The following SYNRG variants were observed in gnomAD, a reference collection of about 807,000 sequenced individuals.
The protein encoded by SYNRG is synergin gamma.
In SYNRG, 37 loss-of-function variants were observed where a neutral mutation model predicts 130.9. The ratio of observed to expected loss-of-function variants is 0.28; its 90% confidence interval spans 0.22 to 0.37. SYNRG has a LOEUF of 0.37. Among genes scored for constraint, SYNRG ranks in the 10% least tolerant of loss-of-function variants. SYNRG has a pLI of 1.00. For missense variants in SYNRG, 1,338 were observed against 1,588.9 expected, an observed-to-expected ratio of 0.84 and a Z score of 2.68; for synonymous variants, 539 against 568.1, an observed-to-expected ratio of 0.95 and a Z score of 0.73.
intron 2 of SYNRG, among the ~76,000 whole-genome samples, chr17:37,598,711 T>TA (rs952714934): frequency 1.5e-4 from 23 of 151,660 alleles, no homozygotes; most frequent in African/African-American, 1.2e-4. Flanking sequence ...TAACAACTGT[T>TA]AAAAAAAAAT....
At chr17:37,541,093 A>G (rs2144847039) in intron 15 of SYNRG, 1 of 985,604 alleles carries the variant, frequency 1.0e-6, no homozygotes, top group South Asian at 4.7e-5. Context: ...GATCTATCAC[A>G]AGTCTTCCAT....
intron 10 of SYNRG, 101 bp from the exon 11 acceptor site, chr17:37,569,025 G>A (rs1297238437): frequency 7.7e-7 from 1 of 1,296,264 alleles, no homozygotes; most frequent in Non-Finnish European, 1.1e-6. Context: ...AAATTTCTCA[G>A]TTTAGATACA....
In SYNRG at chr17:37,553,258, C is replaced by T; in HGVS notation, c.2465G>A (p.Ser822Asn). 6.2e-7 allele frequency: 1 copy of T among 1,613,946 alleles called. No individual in the cohort carries two copies. The highest frequency in any genetic ancestry group is 8.5e-7 in the Non-Finnish European group (1 of 1,179,982). ...ATCTTCAGAGTCCTCCTTGCCAACA[C>T]TGCTGCCACCAATGGAAGGGAGATC... is the stretch of plus-strand genomic sequence containing the variant. Reference protein sequence around the residue: ...SLDLPSIGGSSVGKEDSEDAL... With the variant: ...SLDLPSIGGSNVGKEDSEDAL... The change falls in exon 14 of 22, where the codon AGT becomes AAT. Residue 822 changes from serine to asparagine, a missense_variant. Around this residue, in one of 3 missense-constraint regions of SYNRG, gnomAD observed 1,146 missense variants for 1,342.3 expected, o/e 0.85. Transcript: ENST00000612223.
At chr17:37,591,701 G>A (rs2062207315) in intron 3 of SYNRG, among the ~76,000 whole-genome samples, 1 of 152,210 alleles carries the variant, frequency 6.6e-6, no homozygotes, top group Non-Finnish European at 1.5e-5. Context: ...TTCAATGGAA[G>A]CAGAATAGCT....
intron 3 of SYNRG, among the ~76,000 whole-genome samples, chr17:37,588,807 G>A (rs1377056651): frequency 8.0e-5 from 12 of 149,208 alleles, no homozygotes; most frequent in Non-Finnish European, 1.8e-4. Context: ...CCAAATCATA[G>A]AGATTAAAAA....
intron 18 of SYNRG, 173 bp from the exon 19 acceptor site, chr17:37,536,300 C>T (rs3110626): frequency 0.21 from 160,799 of 772,456 alleles, 20,598 homozygotes; most frequent in East Asian, 0.6. Context: ...GTATAGCTTA[C>T]TGGTAAGAGC....
chr17:37,595,232 T>A (rs1364717255), intron 3 of SYNRG, among the ~76,000 whole-genome samples: 1 of 152,226 alleles, frequency 6.6e-6, no homozygotes, highest in African/African-American at 2.4e-5. Flanking sequence ...CATAATCGAC[T>A]TCAAAACAAC....
chr17:37,592,898 TA>T (rs1359047594), intron 3 of SYNRG, among the ~76,000 whole-genome samples: 2 of 152,120 alleles, frequency 1.3e-5, no homozygotes, highest in South Asian at 4.1e-4. Flanking sequence ...GTTTTACCAA[TA>T]GGGGAACTGG....
intron 20 of SYNRG, 152 bp from the exon 21 acceptor site, chr17:37,520,366 G>A: frequency 8.7e-7 from 1 of 1,154,922 alleles, no homozygotes; most frequent in Non-Finnish European, 1.3e-6. Context: ...TCCCTCCACA[G>A]CTCCCCCGCT....
chr17:37,585,505 G>A, intron 4 of SYNRG, 75 bp from the exon 5 acceptor site: 1 of 1,024,796 alleles, frequency 9.8e-7, no homozygotes, highest in Non-Finnish European at 1.5e-6. Context: ...ATTTCTAACA[G>A]TTTCAGCAAT....
chr17:37,598,254 T>A (rs1009854510), intron 2 of SYNRG, among the ~76,000 whole-genome samples: 2 of 152,116 alleles, frequency 1.3e-5, no homozygotes, highest in Non-Finnish European at 2.9e-5. Context: ...CTATTTTACA[T>A]AGGGCAATCA....
intron 3 of SYNRG, among the ~76,000 whole-genome samples, chr17:37,590,219 A>C (rs1458813156): frequency 6.6e-6 from 1 of 151,994 alleles, no homozygotes; most frequent in Non-Finnish European, 1.5e-5. Flanking sequence ...TTTTTAAATA[A>C]GAAGATACAG....
At chr17:37,596,716 A>T (rs181255253) in intron 2 of SYNRG, among the ~76,000 whole-genome samples, 5 of 152,268 alleles carry the variant, frequency 3.3e-5, no homozygotes, top group African/African-American at 1.2e-4. Flanking sequence ...TGATCAGTAT[A>T]ACCAACAGGA....
Position 37,575,167 on chromosome 17 carries a change from G to A in SYNRG, c.901+1174C>T, listed in dbSNP as rs555948443. ...CAGAGGCTGAGAAGGGTAGTGGTGG[G>A]GGGGAATAATGGGGATGGTTAGTGG... On this transcript the variant is annotated intron_variant, in intron 8 of 21. Transcript: ENST00000612223. Among the ~76,000 whole-genome samples, 10 of 152,078 alleles carry A rather than the reference G, an allele frequency of 6.6e-5. No individual in the cohort carries two copies. The South Asian group carries it at 2.1e-3, about 32-fold the overall frequency.
chr17:37,525,887 A>C (rs1430459292), intron 19 of SYNRG, among the ~76,000 whole-genome samples: 2 of 152,174 alleles, frequency 1.3e-5, no homozygotes, highest in African/African-American at 4.8e-5. Flanking sequence ...AATTGCTTGA[A>C]CCCAGGAGGT....
rs754846886 is a variant in SYNRG, at chr17:37,536,006, G to A, written c.3639C>T (p.Ile1213=). 1.4e-5 allele frequency: 22 copies of A among 1,613,838 alleles called. No homozygotes were observed. Among genetic ancestry groups the A allele is most frequent in the Middle Eastern group, 1.6e-4 (1 of 6,084 alleles). The change falls in exon 19 of 22, where the codon ATC becomes ATT. Residue 1213 remains isoleucine, a synonymous_variant. Transcript: ENST00000612223. ...TGAGTGTGGCGAGTGACATGAAGCCGATTAGGTTATTCCATACTTTATCGA... is the reference window on the plus strand; with the variant it reads ...TGAGTGTGGCGAGTGACATGAAGCCAATTAGGTTATTCCATACTTTATCGA... ...KDIDKVWNNL[I]GFMSLATLTP...
At chr17:37,539,162 T>A in intron 17 of SYNRG, 30 bp downstream of exon 17, 1 of 1,613,050 alleles carries the variant, frequency 6.2e-7, no homozygotes, top group East Asian at 2.2e-5. Context: ...AGCACTCACA[T>A]ATGTGTGAAC....
At chr17:37,564,083 A>G (rs1180753128) in intron 11 of SYNRG, among the ~76,000 whole-genome samples, 1 of 151,966 alleles carries the variant, frequency 6.6e-6, no homozygotes, top group East Asian at 1.9e-4. Flanking sequence ...TCCTGACCTC[A>G]GATGATGTCT....
chr17:37,591,710 C>T (rs897508355), intron 3 of SYNRG, among the ~76,000 whole-genome samples: 1 of 152,184 alleles, frequency 6.6e-6, no homozygotes, highest in Non-Finnish European at 1.5e-5. Flanking sequence ...AGCAGAATAG[C>T]TTTTTCCACA....
Sources: gnomAD v4.1 joint callset for allele counts (sites outside exome capture counted in the v4.1 genomes callset) on GRCh38, gnomAD v4.1.1 for gene constraint, gnomAD v4.1.1 regional missense constraint, MANE v1.5 for transcripts, NCBI Gene and HGNC (gene_info 2026-07-23, HGNC 2026-07-21) for gene names.